The following PITPNB variants were observed in gnomAD, a reference collection of about 807,000 sequenced individuals.
The protein encoded by PITPNB is phosphatidylinositol transfer protein beta isoform.
PITPNB carries 16 observed loss-of-function variants against 45.9 expected under a neutral mutation model. That is an observed-to-expected ratio of 0.35 (90% CI 0.24 to 0.53). PITPNB has a LOEUF of 0.53. PITPNB is among the 20% of genes least tolerant of loss of function. The probability of loss-of-function intolerance (pLI) is 0.93; values close to 1 mark genes in which losing one functional copy is unlikely to be tolerated. For synonymous variants in PITPNB, 112 were observed against 108.9 expected, an observed-to-expected ratio of 1.03 and a Z score of -0.18; for missense variants, 188 against 330.5, an observed-to-expected ratio of 0.57 and a Z score of 3.34.
chr22:27,862,733 T>G (rs1934375543), intron 8 of PITPNB, among the ~76,000 whole-genome samples: 1 of 152,228 alleles, frequency 6.6e-6, no homozygotes, highest in African/African-American at 2.4e-5. Context: ...CATTTACCCT[T>G]TACTCTGTGC....
rs10483139 is a variant in PITPNB at position 27,868,986 on chromosome 22, G to T, written c.534+4752C>A. Among the ~76,000 whole-genome samples the T allele has an allele frequency of 6.8e-3, 1,035 of 152,134 alleles. 7 individuals are homozygous for T. Among genetic ancestry groups the T allele is most frequent in the African/African-American group, 0.023 (940 of 41,494 alleles). ...ATGGGATAAAAATGAAACCATAATC[G>T]TCAAAGGTAGTGTTTCAATCTGTTA... On this transcript the variant is annotated intron_variant, in intron 8 of 11. Coordinates refer to ENST00000335272, the MANE Select transcript of PITPNB (RefSeq NM_012399.5).
chr22:27,912,825 T>C (rs764548669), intron 2 of PITPNB, among the ~76,000 whole-genome samples: 7 of 151,280 alleles, frequency 4.6e-5, no homozygotes, highest in African/African-American at 1.5e-4. Context: ...CTAATAAATA[T>C]ACAAAAATTA....
intron 6 of PITPNB, among the ~76,000 whole-genome samples, chr22:27,896,192 C>G (rs1416070988): frequency 1.3e-5 from 2 of 152,204 alleles, no homozygotes; most frequent in Non-Finnish European, 2.9e-5. Context: ...TTAAAGCAAT[C>G]AATCCTGCTA....
intron 7 of PITPNB, among the ~76,000 whole-genome samples, chr22:27,882,141 C>T (rs1010249027): frequency 9.9e-5 from 15 of 152,184 alleles, no homozygotes; most frequent in African/African-American, 3.6e-4. Flanking sequence ...GTGACCAAAA[C>T]TTACATGCCC....
chr22:27,887,977 C>G (rs546505952), intron 7 of PITPNB, among the ~76,000 whole-genome samples: 3 of 152,228 alleles, frequency 2.0e-5, no homozygotes, highest in Non-Finnish European at 4.4e-5. Flanking sequence ...TGATCCACTG[C>G]ACACATCTCT....
chr22:27,903,274 A>G (rs886321334), intron 3 of PITPNB, among the ~76,000 whole-genome samples: 1 of 151,982 alleles, frequency 6.6e-6, no homozygotes, highest in Admixed American at 6.6e-5. Flanking sequence ...GTTCGAGACC[A>G]GCCTGACCAA....
intron 8 of PITPNB, among the ~76,000 whole-genome samples, chr22:27,865,482 C>T (rs1934457236): frequency 6.6e-6 from 1 of 152,178 alleles, no homozygotes; most frequent in Non-Finnish European, 1.5e-5. Flanking sequence ...AAATGATCAA[C>T]TCTTCTAGGT....
At chr22:27,854,451 G>C (rs1334240465) in intron 11 of PITPNB, among the ~76,000 whole-genome samples, 3 of 152,190 alleles carry the variant, frequency 2.0e-5, no homozygotes, top group Non-Finnish European at 4.4e-5. Context: ...AGGTTGGCTC[G>C]TATGGTATGG....
chr22:27,892,627 C>A (rs887993448), intron 7 of PITPNB, among the ~76,000 whole-genome samples: 6 of 152,190 alleles, frequency 3.9e-5, no homozygotes, highest in Non-Finnish European at 7.3e-5. Context: ...CCAATTACTT[C>A]TCTTCCCATC....
At chr22:27,872,000 G>A (rs1934675043) in intron 8 of PITPNB, among the ~76,000 whole-genome samples, 1 of 148,862 alleles carries the variant, frequency 6.7e-6, no homozygotes, top group Non-Finnish European at 1.5e-5. Context: ...ATGACTGTAA[G>A]CTTTCTGAAG....
intron 1 of PITPNB, among the ~76,000 whole-genome samples, chr22:27,918,737 G>A (rs555300545): frequency 6.6e-6 from 1 of 152,288 alleles, no homozygotes; most frequent in Non-Finnish European, 1.5e-5. Flanking sequence ...ATCTCCCGCT[G>A]GTTACCAGGG....
At chr22:27,857,567 G>A (rs1934208324) in intron 10 of PITPNB, among the ~76,000 whole-genome samples, 1 of 152,140 alleles carries the variant, frequency 6.6e-6, no homozygotes, top group Non-Finnish European at 1.5e-5. Flanking sequence ...ACACCTGCAG[G>A]GCTTCCAAAA....
chr22:27,854,722 TA>T (rs1934122694), intron 11 of PITPNB, 131 bp downstream of exon 11: 2 of 557,448 alleles, frequency 3.6e-6, no homozygotes, highest in Non-Finnish European at 6.3e-6. Flanking sequence ...TATTAATTTC[TA>T]AAATATTTAT....
chr22:27,913,882 T>C (rs1387219296), intron 2 of PITPNB, among the ~76,000 whole-genome samples: 1 of 152,202 alleles, frequency 6.6e-6, no homozygotes, highest in Admixed American at 6.5e-5. Flanking sequence ...TATTTCCCAT[T>C]GCTCAAATGG....
At chr22:27,886,005 G>C (rs565785342) in intron 7 of PITPNB, among the ~76,000 whole-genome samples, 3 of 152,166 alleles carry the variant, frequency 2.0e-5, no homozygotes, top group Non-Finnish European at 4.4e-5. Context: ...GTGATGCCTG[G>C]GTTTAAAACA....
At chr22:27,872,056 C>A (rs1210546510) in intron 8 of PITPNB, among the ~76,000 whole-genome samples, 1 of 144,696 alleles carries the variant, frequency 6.9e-6, no homozygotes, top group Non-Finnish European at 1.5e-5. Flanking sequence ...ATACAGTGTG[C>A]AGAACCGTGA....
chr22:27,862,768 G>A (rs1241024923), intron 8 of PITPNB, among the ~76,000 whole-genome samples: 2 of 152,208 alleles, frequency 1.3e-5, no homozygotes, highest in Non-Finnish European at 2.9e-5. Context: ...GGACATAAAT[G>A]TAGCTAATAG....
chr22:27,853,801 T>C (rs1934094266), intron 11 of PITPNB, 138 bp from the exon 12 acceptor site: 2 of 665,546 alleles, frequency 3.0e-6, no homozygotes, highest in Admixed American at 4.4e-5. Context: ...TCTTACAATT[T>C]TCATCTGTTC....
At chr22:27,898,505 C>T (rs1601416941) in intron 3 of PITPNB, among the ~76,000 whole-genome samples, 1 of 150,964 alleles carries the variant, frequency 6.6e-6, no homozygotes, top group South Asian at 2.1e-4. Flanking sequence ...TAAGAGTTAA[C>T]AGCTATTCAA....
Sources: allele counts gnomAD v4.1 joint callset (sites outside exome capture counted in the v4.1 genomes callset), GRCh38; gene constraint gnomAD v4.1.1; transcripts MANE v1.5; gene names NCBI Gene and HGNC (gene_info 2026-07-23, HGNC 2026-07-21).